CIMIP5: variants seen among roughly 807,000 people sequenced by gnomAD.
The protein encoded by CIMIP5 is uncharacterized protein C2orf50.
chr2:11,138,948 C>T, the CIMIP5 span, among the ~76,000 whole-genome samples: 1 of 151,832 alleles, frequency 6.6e-6, no homozygotes, highest in South Asian at 2.1e-4. Context: ...GACAGAGTCT[C>T]ACTCTGTCAC....
chr2:11,144,297 G>A, the CIMIP5 span: 16 of 435,892 alleles, frequency 3.7e-5, no homozygotes, highest in African/African-American at 3.1e-4. Flanking sequence ...GTAAGATTCA[G>A]AGGAGTCAGT....
chr2:11,151,818 G>C, the CIMIP5 span, among the ~76,000 whole-genome samples: 14,289 of 152,270 alleles, frequency 0.094, 1,769 homozygotes, highest in African/African-American at 0.29. Flanking sequence ...GTTTTTAGTA[G>C]AGACGGGGTT....
the CIMIP5 span, among the ~76,000 whole-genome samples, chr2:11,151,106 A>C: frequency 1.3e-5 from 2 of 152,178 alleles, no homozygotes; most frequent in African/African-American, 4.8e-5. Flanking sequence ...AAGGACTCAA[A>C]AGAATGCAAG....
chr2:11,135,922 ATCT>A, the CIMIP5 span, among the ~76,000 whole-genome samples: 1 of 152,192 alleles, frequency 6.6e-6, no homozygotes, highest in South Asian at 2.1e-4. Flanking sequence ...CCATTTATTT[ATCT>A]TCTTTGGAGA....
the CIMIP5 span, among the ~76,000 whole-genome samples, chr2:11,138,183 A>T: frequency 1.3e-5 from 2 of 152,202 alleles, no homozygotes; most frequent in Admixed American, 6.5e-5. Flanking sequence ...GATGCACATG[A>T]CTGTGTAGAA....
the CIMIP5 span, chr2:11,145,660 C>T: frequency 6.6e-6 from 1 of 152,288 alleles, no homozygotes; most frequent in African/African-American, 2.4e-5. Context: ...CCTAGGTCTC[C>T]CTTCCAGGCC....
chr2:11,147,106 C>T, the CIMIP5 span, among the ~76,000 whole-genome samples: 43 of 152,324 alleles, frequency 2.8e-4, no homozygotes, highest in African/African-American at 1.0e-3. Context: ...CACTTACAGA[C>T]AATGCAACCT....
the CIMIP5 span, chr2:11,133,283 CT>C: frequency 2.7e-6 from 1 of 365,260 alleles, no homozygotes; most frequent in Non-Finnish European, 3.9e-6. Flanking sequence ...AGGCACAGGT[CT>C]CTCTCTCTCT....
At chr2:11,143,802 T>A in the CIMIP5 span, 1 of 879,160 alleles carries the variant, frequency 1.1e-6, no homozygotes, top group Non-Finnish European at 1.6e-6. Context: ...CAAACCAGGA[T>A]TGAATCACCT....
the CIMIP5 span, among the ~76,000 whole-genome samples, chr2:11,149,717 A>AATT: frequency 4.9e-3 from 735 of 151,338 alleles, 5 homozygotes; most frequent in African/African-American, 0.017. Flanking sequence ...AAAAAAAATT[A>AATT]ATTAATTAAT....
the CIMIP5 span, chr2:11,133,183 G>A: frequency 3.3e-6 from 3 of 906,610 alleles, no homozygotes; most frequent in Non-Finnish European, 4.6e-6. Flanking sequence ...CTGAGCTCGA[G>A]GCCTAAAGGG....
the CIMIP5 span, among the ~76,000 whole-genome samples, chr2:11,139,266 G>T: frequency 2.6e-5 from 4 of 152,144 alleles, no homozygotes; most frequent in Non-Finnish European, 5.9e-5. Context: ...TTATAGCAAG[G>T]CAAGAATGGC....
chr2:11,138,095 C>T, the CIMIP5 span, among the ~76,000 whole-genome samples: 1 of 152,212 alleles, frequency 6.6e-6, no homozygotes, highest in East Asian at 1.9e-4. Context: ...CTGCCTGCCT[C>T]GGCCTCCCAG....
At chr2:11,146,635 C>T in the CIMIP5 span, 1 of 152,240 alleles carries the variant, frequency 6.6e-6, no homozygotes, top group Admixed American at 6.5e-5. Flanking sequence ...CAGACCAGGC[C>T]CAGTGTGACT....
the CIMIP5 span, among the ~76,000 whole-genome samples, chr2:11,148,415 C>T: frequency 6.6e-6 from 1 of 152,048 alleles, no homozygotes; most frequent in Non-Finnish European, 1.5e-5. Flanking sequence ...CTGCGCCCAG[C>T]CAACTTTCCA....
chr2:11,134,780 C>T, the CIMIP5 span, among the ~76,000 whole-genome samples: 1 of 152,238 alleles, frequency 6.6e-6, no homozygotes, highest in East Asian at 1.9e-4. Context: ...GATTTCAGTT[C>T]TTTTGGAGAA....
the CIMIP5 span, chr2:11,146,871 A>G: frequency 6.6e-6 from 1 of 152,270 alleles, no homozygotes; most frequent in African/African-American, 2.4e-5. Context: ...GAGGCTCCTT[A>G]AAGACCCAAT....
the CIMIP5 span, among the ~76,000 whole-genome samples, chr2:11,140,267 C>T: frequency 2.7e-4 from 40 of 147,402 alleles, no homozygotes; most frequent in East Asian, 7.5e-3. Context: ...CCCAGCTACT[C>T]GGGAGGCTGA....
the CIMIP5 span, among the ~76,000 whole-genome samples, chr2:11,141,861 C>G: frequency 1.5e-4 from 23 of 152,098 alleles, no homozygotes; most frequent in Admixed American, 9.8e-4. Context: ...GAATTCATCA[C>G]TGCACCCTAT....
Sources: allele counts gnomAD v4.1 joint callset (sites outside exome capture counted in the v4.1 genomes callset), GRCh38; gene constraint gnomAD v4.1.1; transcripts MANE v1.5; gene names NCBI Gene and HGNC (gene_info 2026-07-23, HGNC 2026-07-21).